Variants in PANK2 observed in about 807,000 individuals in gnomAD.
PANK2 encodes pantothenate kinase 2.
A neutral mutation model predicts 43.1 loss-of-function variants in PANK2; 36 were observed. That is an observed-to-expected ratio of 0.84 (90% CI 0.64 to 1.10). The LOEUF is 1.10. PANK2 is among the 50% of genes least tolerant of loss of function. PANK2 has a pLI of 0.00. For synonymous variants in PANK2, 281 were observed against 238.2 expected (o/e 1.18, Z -1.66); for missense variants, 576 against 593.3 (o/e 0.97, Z 0.30).
intron 6 of PANK2, among the ~76,000 whole-genome samples, chr20:3,920,555 ACAC>A (rs2090630685): frequency 6.6e-6 from 1 of 150,990 alleles, no homozygotes; most frequent in African/African-American, 2.4e-5. Context: ...ACAAACAAAA[ACAC>A]CAAACAGGCC....
chr20:3,909,062 A>C (rs2090429850), intron 2 of PANK2, among the ~76,000 whole-genome samples: 1 of 152,158 alleles, frequency 6.6e-6, no homozygotes. Context: ...AAATGAGAGA[A>C]TATTAGTCTG....
At chr20:3,892,692 GCCTTACT>G (rs2090144383) in intron 1 of PANK2, among the ~76,000 whole-genome samples, 1 of 94,414 alleles carries the variant, frequency 1.1e-5, no homozygotes, top group Non-Finnish European at 2.4e-5. Flanking sequence ...AAAAAAAAAA[GCCTTACT>G]CTGATACCGC....
chr20:3,901,085 G>T (rs2090293324), intron 1 of PANK2, among the ~76,000 whole-genome samples: 1 of 151,482 alleles, frequency 6.6e-6, no homozygotes, highest in African/African-American at 2.4e-5. Flanking sequence ...TAAGAGGTAG[G>T]ATCTTGCTCT....
chr20:3,893,924 G>GTTTTTT (rs1046729224), intron 1 of PANK2, among the ~76,000 whole-genome samples: 2 of 124,904 alleles, frequency 1.6e-5, no homozygotes, highest in African/African-American at 3.3e-5. Context: ...TTTTTTGTTT[G>GTTTTTT]TTTTTTGTTT....
intron 1 of PANK2, among the ~76,000 whole-genome samples, chr20:3,894,835 G>A (rs1600494570): frequency 6.6e-6 from 1 of 152,090 alleles, no homozygotes; most frequent in Admixed American, 6.6e-5. Flanking sequence ...ACTAAAAATC[G>A]TCCCCTTATG....
chr20:3,896,599 C>G (rs1425187760), intron 1 of PANK2, among the ~76,000 whole-genome samples: 1 of 152,086 alleles, frequency 6.6e-6, no homozygotes, highest in Non-Finnish European at 1.5e-5. Context: ...TCTCCAGCCT[C>G]TGGGGAGGGG....
chr20:3,889,126 C>T (rs1356157885), upstream of PANK2: 2 of 1,554,696 alleles, frequency 1.3e-6, no homozygotes, highest in Non-Finnish European at 8.7e-7. Flanking sequence ...CCCTTCCACC[C>T]ACGCGTCCAT....
chr20:3,904,002 G>A (rs1306977284), intron 1 of PANK2, among the ~76,000 whole-genome samples: 2 of 151,762 alleles, frequency 1.3e-5, no homozygotes, highest in African/African-American at 4.8e-5. Context: ...CACCATATTG[G>A]TCAGGCTGCT....
intron 5 of PANK2, among the ~76,000 whole-genome samples, chr20:3,918,349 T>C (rs2090595231): frequency 6.6e-6 from 1 of 151,516 alleles, no homozygotes; most frequent in African/African-American, 2.4e-5. Flanking sequence ...TCCTTTTGGA[T>C]TGGAGTCATA....
In PANK2 at chr20:3,929,043, C is replaced by T. The variant is rs2090777035; in HGVS notation, c.*5749C>T. 6.6e-6 allele frequency: 1 copy of T among 152,050 alleles called. No individual in the cohort carries two copies. Among genetic ancestry groups the T allele is most frequent in the Non-Finnish European group, 1.5e-5 (1 of 68,068 alleles). 9.4% of individuals were successfully genotyped at this position (152,050 alleles called of 1,614,324 possible). A position where few individuals can be genotyped will look rare whatever the true frequency, so the allele number is the denominator to read the frequency against. ...TTTGTATTTTTAGTAGAGGGGGTTT[C>T]ACCATATTGGTCAGGCTGGTCTTGA... On this transcript the variant is annotated 3_prime_UTR_variant, in exon 7 of 7. Transcript: ENST00000610179.
chr20:3,928,586 T>TC lies in PANK2; in HGVS notation c.*5293dup, dbSNP rs1487354202. ...TCCTGGCTAACACGGTGAAACTCCG[T>TC]CTGTACTAAAAATACAAAAAATTAG... On this transcript the variant is annotated 3_prime_UTR_variant, in exon 7 of 7. Coordinates refer to ENST00000610179, the MANE Select transcript of PANK2 (RefSeq NM_001386393.1). 1 of 151,670 alleles carries TC rather than the reference T, an allele frequency of 6.6e-6. No homozygotes were observed. The highest frequency in any genetic ancestry group is 2.4e-5 in the African/African-American group (1 of 41,310). The allele number at this position is 151,670 out of a possible 1,614,324, so 9.4% of individuals were successfully genotyped here. A position where few individuals can be genotyped will look rare whatever the true frequency, so the allele number is the denominator to read the frequency against.
intron 4 of PANK2, among the ~76,000 whole-genome samples, chr20:3,914,584 C>T (rs1330949010): frequency 6.6e-6 from 1 of 151,352 alleles, no homozygotes; most frequent in Non-Finnish European, 1.5e-5. Flanking sequence ...CAGGTGTGAG[C>T]CATCACTCCT....
At chr20:3,892,140 A>G (rs1469275736) in intron 1 of PANK2, among the ~76,000 whole-genome samples, 4 of 152,082 alleles carry the variant, frequency 2.6e-5, no homozygotes, top group African/African-American at 9.7e-5. Flanking sequence ...GTTCGAGACC[A>G]GAGACCAGCC....
At chr20:3,901,555 T>C in intron 1 of PANK2, 1 of 949,544 alleles carries the variant, frequency 1.1e-6, no homozygotes, top group African/African-American at 1.8e-5. Flanking sequence ...AAGACAGAAC[T>C]GCTGCTTGCT....
rs1052756285 is a variant in PANK2, at chr20:3,926,333, C to T, written c.*3039C>T. On this transcript the variant is annotated 3_prime_UTR_variant, in exon 7 of 7. Transcript: ENST00000610179. ...AGTTGAGCAGTGACGGAGGAAGCTG[C>T]AAAGAAAACGACTGCTCAGGGAGAG... 6.6e-6 allele frequency: 1 copy of T among 152,038 alleles called. No homozygotes were observed. The highest frequency in any genetic ancestry group is 2.4e-5 in the African/African-American group (1 of 41,346). 9.4% of individuals were successfully genotyped at this position (152,038 alleles called of 1,614,324 possible). A position where few individuals can be genotyped will look rare whatever the true frequency, so the allele number is the denominator to read the frequency against.
At chr20:3,909,365 T>A (rs1482908005) in intron 2 of PANK2, among the ~76,000 whole-genome samples, 1 of 150,688 alleles carries the variant, frequency 6.6e-6, no homozygotes, top group Non-Finnish European at 1.5e-5. Context: ...CAGGGGTGAG[T>A]CACCTTGCCC....
At chr20:3,906,805 CT>C (rs1010173258) in intron 1 of PANK2, among the ~76,000 whole-genome samples, 2 of 151,760 alleles carry the variant, frequency 1.3e-5, no homozygotes, top group African/African-American at 2.4e-5. Flanking sequence ...CTCTTCAGGC[CT>C]TTTTTTTCTT....
chr20:3,910,308 G>GT (rs1303907508), intron 2 of PANK2, among the ~76,000 whole-genome samples: 2,049 of 124,134 alleles, frequency 0.017, 34 homozygotes, highest in East Asian at 0.1. Context: ...TTTTTTTTTT[G>GT]TTTTTTTTGT....
At chr20:3,913,541 T>A (rs1378798013) in intron 4 of PANK2, among the ~76,000 whole-genome samples, 3 of 151,866 alleles carry the variant, frequency 2.0e-5, no homozygotes, top group Non-Finnish European at 4.4e-5. Flanking sequence ...AAAGGATTTC[T>A]CCATGTTGGC....
Sources: allele counts gnomAD v4.1 joint callset (sites outside exome capture counted in the v4.1 genomes callset), GRCh38; gene constraint gnomAD v4.1.1; transcripts MANE v1.5; gene names NCBI Gene and HGNC (gene_info 2026-07-23, HGNC 2026-07-21).